Variants in KIAA1549L observed in about 807,000 individuals in gnomAD.
The protein encoded by KIAA1549L is KIAA1549 like.
In KIAA1549L, 88 loss-of-function variants were observed where a neutral mutation model predicts 160.7. The ratio of observed to expected loss-of-function variants is 0.55; its 90% CI spans 0.46 to 0.65. The LOEUF (loss-of-function observed/expected upper bound fraction) is 0.65, where lower values mean the gene tolerates loss of function less well. KIAA1549L is among the 30% of genes least tolerant of loss of function. KIAA1549L has a pLI of 0.00. For missense variants in KIAA1549L, 2,258 were observed against 2,437.5 expected, an observed-to-expected ratio of 0.93 and a Z score of 1.55; for synonymous variants, 950 against 976.7, an observed-to-expected ratio of 0.97 and a Z score of 0.51.
intron 16 of KIAA1549L, among the ~76,000 whole-genome samples, chr11:33,633,321 G>A (rs11605684): frequency 0.29 from 44,047 of 151,476 alleles, 6,780 homozygotes; most frequent in Middle Eastern, 0.39. Context: ...TCTTTGGTTG[G>A]CCCATTCTGA....
At chr11:33,446,660 A>G (rs1333158070) in intron 1 of KIAA1549L, among the ~76,000 whole-genome samples, 2 of 152,108 alleles carry the variant, frequency 1.3e-5, no homozygotes, top group Non-Finnish European at 2.9e-5. Flanking sequence ...GACTGGTGCT[A>G]GAGGATACTT....
intron 1 of KIAA1549L, among the ~76,000 whole-genome samples, chr11:33,511,445 C>A (rs1309505424): frequency 6.6e-6 from 1 of 152,078 alleles, no homozygotes; most frequent in Non-Finnish European, 1.5e-5. Context: ...AGTAACTGGC[C>A]CTCAGTAAAA....
intron 1 of KIAA1549L, among the ~76,000 whole-genome samples, chr11:33,428,071 T>C (rs866990234): frequency 3.0e-4 from 45 of 152,382 alleles, no homozygotes; most frequent in Middle Eastern, 3.4e-3. Context: ...AGTGCTGCTA[T>C]AAATATGAAT....
intron 1 of KIAA1549L, among the ~76,000 whole-genome samples, chr11:33,485,279 T>C (rs766811629): frequency 3.3e-5 from 5 of 152,184 alleles, no homozygotes; most frequent in Non-Finnish European, 5.9e-5. Context: ...TGCAATGGCA[T>C]TGGGGGGAGG....
At chr11:33,434,075 C>T (rs1851306911) in intron 1 of KIAA1549L, among the ~76,000 whole-genome samples, 3 of 147,586 alleles carry the variant, frequency 2.0e-5, no homozygotes, top group Admixed American at 1.4e-4. Context: ...AAATAAAGCC[C>T]CCCCCGCCAC....
chr11:33,380,541 A>G (rs1026834804), intron 1 of KIAA1549L, among the ~76,000 whole-genome samples: 2 of 152,178 alleles, frequency 1.3e-5, no homozygotes, highest in African/African-American at 2.4e-5. Flanking sequence ...GTGGATATCT[A>G]TCAGGTCCGC....
intron 1 of KIAA1549L, among the ~76,000 whole-genome samples, chr11:33,488,324 A>G (rs57594011): frequency 0.019 from 2,830 of 152,246 alleles, 80 homozygotes; most frequent in African/African-American, 0.062. Flanking sequence ...CTCCTCCTCA[A>G]TTTTCTTGAA....
chr11:33,639,550 T>G (rs971778843), intron 16 of KIAA1549L, among the ~76,000 whole-genome samples: 2 of 152,184 alleles, frequency 1.3e-5, no homozygotes, highest in Non-Finnish European at 2.9e-5. Flanking sequence ...ATTATTATTA[T>G]TATTTTTGAG....
chr11:33,660,005 C>G (rs901414952), intron 19 of KIAA1549L, among the ~76,000 whole-genome samples: 4 of 152,258 alleles, frequency 2.6e-5, no homozygotes, highest in African/African-American at 9.6e-5. Context: ...ATTCCCCAGG[C>G]CTGGGCAGAT....
chr11:33,511,524 G>A (rs963146397), intron 1 of KIAA1549L, among the ~76,000 whole-genome samples: 11 of 152,202 alleles, frequency 7.2e-5, no homozygotes, highest in African/African-American at 2.7e-4. Flanking sequence ...TGGAGGAATC[G>A]GTGATGCAAT....
chr11:33,548,546 G>A (rs1854342648), intron 4 of KIAA1549L, among the ~76,000 whole-genome samples: 1 of 152,102 alleles, frequency 6.6e-6, no homozygotes, highest in Non-Finnish European at 1.5e-5. Context: ...CATCACTATT[G>A]TAAACAGTGA....
At chr11:33,429,057 C>T (rs146117722) in intron 1 of KIAA1549L, among the ~76,000 whole-genome samples, 2,947 of 152,224 alleles carry the variant, frequency 0.019, 103 homozygotes, top group African/African-American at 0.067. Flanking sequence ...GTGCAACCTC[C>T]GCCTCCCAGG....
At position 33,543,758 on chromosome 11, in the gene KIAA1549L, C is replaced by G; in HGVS notation, c.2195C>G (p.Thr732Arg). The G allele has an allele frequency of 6.2e-7, 1 of 1,614,058 alleles. No individual in the cohort carries two copies. The highest frequency in any genetic ancestry group is 8.5e-7 in the Non-Finnish European group (1 of 1,179,896). ...TTAAATGGACACACAATTAGCACCACAAGTTGGGAAACTCATTTAGCTCCA... is the reference window on the plus strand; with the variant it reads ...TTAAATGGACACACAATTAGCACCAGAAGTTGGGAAACTCATTTAGCTCCA... ...YDLNGHTISTTSWETHLAPTA... is the reference protein window; with the variant it reads ...YDLNGHTISTRSWETHLAPTA... The change falls in exon 2 of 21, where the codon ACA (threonine) becomes AGA (arginine). Residue 732 changes from threonine to arginine, a missense_variant. Physicochemically the swap from Thr to Arg is moderately conservative, Grantham distance 71 (BLOSUM62 -1). Coordinates refer to ENST00000658780, the MANE Select transcript of KIAA1549L (RefSeq NM_012194.3).
chr11:33,550,432 G>T (rs549815051), intron 4 of KIAA1549L, among the ~76,000 whole-genome samples: 1 of 152,122 alleles, frequency 6.6e-6, no homozygotes, highest in East Asian at 1.9e-4. Context: ...TGAAAATCTT[G>T]CAGTTGAGAC....
intron 12 of KIAA1549L, among the ~76,000 whole-genome samples, chr11:33,598,193 TG>T (rs1385322498): frequency 9.1e-6 from 1 of 109,450 alleles, no homozygotes; most frequent in African/African-American, 3.9e-5. Context: ...AGAATGTTTG[TG>T]TGTGTGTGTG....
intron 1 of KIAA1549L, among the ~76,000 whole-genome samples, chr11:33,410,056 T>A (rs1194115605): frequency 6.6e-6 from 1 of 151,598 alleles, no homozygotes; most frequent in African/African-American, 2.4e-5. Flanking sequence ...GTCTGCTGTA[T>A]TTTTTTTTCT....
chr11:33,410,900 A>C (rs1850772607), intron 1 of KIAA1549L, among the ~76,000 whole-genome samples: 1 of 152,236 alleles, frequency 6.6e-6, no homozygotes, highest in South Asian at 2.1e-4. Context: ...CAGTTTCAAG[A>C]AGGCAGGACC....
rs527280440 is a variant in KIAA1549L, at chr11:33,584,390, C to T, written c.4566+889C>T. Among the ~76,000 whole-genome samples the T allele has an allele frequency of 1.7e-4, 26 of 152,310 alleles. No homozygotes were observed. In the South Asian group the frequency reaches 1.9e-3, roughly 11 times the overall value. ...TTTGGCTGGGTGGCCAGAAAACCCC[C>T]GTTCAGTGGCTCCACTGAAGCCTGT... is the stretch of plus-strand genomic sequence containing the variant. On this transcript the variant is annotated intron_variant, in intron 11 of 20. Coordinates refer to ENST00000658780, the MANE Select transcript of KIAA1549L (RefSeq NM_012194.3).
rs946281390 is a variant in KIAA1549L at position 33,668,591 on chromosome 11, G to A, written c.*437G>A. The A allele has an allele frequency of 1.1e-5, 2 of 184,284 alleles. No individual in the cohort carries two copies. The highest frequency in any genetic ancestry group is 4.7e-5 in the African/African-American group (2 of 42,828). The allele number at this position is 184,284 out of a possible 1,614,324, so 11.4% of individuals were successfully genotyped here. A position where few individuals can be genotyped will look rare whatever the true frequency, so the allele number is the denominator to read the frequency against. On this transcript the variant is annotated 3_prime_UTR_variant, in exon 21 of 21. Coordinates refer to ENST00000658780, the MANE Select transcript of KIAA1549L (RefSeq NM_012194.3). ...AAGGCAATGCAGGAGTGTGGATTAA[G>A]CACCAGACTGTATTCTCATTCAACC...
Sources: allele counts gnomAD v4.1 joint callset (sites outside exome capture counted in the v4.1 genomes callset), GRCh38; gene constraint gnomAD v4.1.1; transcripts MANE v1.5; gene names NCBI Gene and HGNC (gene_info 2026-07-23, HGNC 2026-07-21).